Variants in KIF13A observed in about 807,000 individuals in gnomAD.
The protein encoded by KIF13A is kinesin-like protein KIF13A.
A neutral mutation model predicts 212.2 loss-of-function variants in KIF13A; 79 were observed. The ratio of observed to expected loss-of-function variants is 0.37; its 90% CI spans 0.31 to 0.45. The LOEUF (loss-of-function observed/expected upper bound fraction) is 0.45. KIF13A is among the 20% of genes least tolerant of loss of function. KIF13A has a pLI of 1.00. For missense variants in KIF13A, 1,901 were observed against 2,209.0 expected, an observed-to-expected ratio of 0.86 and a Z score of 2.79; for synonymous variants, 789 against 808.6, an observed-to-expected ratio of 0.98 and a Z score of 0.41.
rs1160930596 is a variant in KIF13A at position 17,968,599 on chromosome 6, T to C, written c.146+18455A>G. On this transcript the variant is annotated intron_variant, in intron 2 of 38. Coordinates refer to ENST00000259711, the MANE Select transcript of KIF13A (RefSeq NM_022113.6). The surrounding 1 kb of genome is among the most constrained non-coding windows in gnomAD (Gnocchi z 4.7). The stretch of plus-strand genomic sequence containing the variant: ...AGAATCTGCAGCTAATGCTGCTCCA[T>C]AGGTTGTGCAGTGAACATTAAAAAT... Among the ~76,000 whole-genome samples, 2 of 152,206 alleles carry C rather than the reference T, an allele frequency of 1.3e-5. No individual in the cohort carries two copies. The highest frequency in any genetic ancestry group is 6.5e-5 in the Admixed American group (1 of 15,280).
intron 16 of KIF13A, among the ~76,000 whole-genome samples, chr6:17,819,657 A>G (rs994939077): frequency 2.0e-5 from 3 of 152,142 alleles, no homozygotes; most frequent in African/African-American, 7.2e-5. Context: ...GGTGGGTAAA[A>G]TATTATCTAT....
chr6:17,819,248 T>C (rs978121128), intron 16 of KIF13A, among the ~76,000 whole-genome samples: 9 of 152,150 alleles, frequency 5.9e-5, no homozygotes, highest in African/African-American at 2.2e-4. Context: ...ACCTAAAATA[T>C]ATCACTTAAA....
intron 2 of KIF13A, among the ~76,000 whole-genome samples, chr6:17,909,569 A>G (rs1233580909): frequency 1.3e-5 from 2 of 151,762 alleles, no homozygotes; most frequent in East Asian, 1.9e-4. Context: ...AAGGTTTTAA[A>G]GAAAATATGT....
At position 17,771,450 on chromosome 6, in the gene KIF13A, G is replaced by T. The variant is rs960562169; in HGVS notation, c.4477-232C>A. On this transcript the variant is annotated intron_variant, in intron 37 of 38. Transcript: ENST00000259711. The surrounding 1 kb of genome is among the most constrained non-coding windows in gnomAD (Gnocchi z 5.4). ...TATTTAAAAAACAGCCTTTTGACCA[G>T]GTACAACGGCTCATGCCTGCAATCC... The T allele has an allele frequency of 2.0e-6, 1 of 506,340 alleles. No individual in the cohort carries two copies. The highest frequency in any genetic ancestry group is 3.5e-6 in the Non-Finnish European group (1 of 284,778). The allele number at this position is 506,340 out of a possible 1,614,324, so 31.4% of individuals were successfully genotyped here.
At chr6:17,974,823 C>CAT (rs1264910499) in intron 2 of KIF13A, among the ~76,000 whole-genome samples, 1 of 152,208 alleles carries the variant, frequency 6.6e-6, no homozygotes, top group Non-Finnish European at 1.5e-5. Context: ...GCACTGGCCA[C>CAT]ATATAGCTGT....
chr6:17,959,718 T>C (rs1778652373), intron 2 of KIF13A, among the ~76,000 whole-genome samples: 1 of 152,212 alleles, frequency 6.6e-6, no homozygotes, highest in Non-Finnish European at 1.5e-5. Flanking sequence ...TAGCTTTCCT[T>C]ATTCAATTAA....
At chr6:17,766,459 A>G (rs945668474) in intron 38 of KIF13A, among the ~76,000 whole-genome samples, 8 of 152,206 alleles carry the variant, frequency 5.3e-5, no homozygotes, top group African/African-American at 1.9e-4. Flanking sequence ...GCTTGTCTCA[A>G]ACTGCCGACC....
intron 2 of KIF13A, among the ~76,000 whole-genome samples, chr6:17,944,563 G>C (rs1164346248): frequency 6.6e-6 from 1 of 152,078 alleles, no homozygotes; most frequent in Non-Finnish European, 1.5e-5. Context: ...GGCCCCTCTT[G>C]TCCCACTCCT....
intron 2 of KIF13A, among the ~76,000 whole-genome samples, chr6:17,938,742 CTT>C (rs923009530): frequency 4.0e-5 from 6 of 151,542 alleles, no homozygotes; most frequent in Non-Finnish European, 5.9e-5. Flanking sequence ...CCTCCATTTT[CTT>C]CCTGTACATG....
intron 38 of KIF13A, among the ~76,000 whole-genome samples, chr6:17,766,219 G>GATTGATTTATTT (rs1554158989): frequency 3.2e-4 from 46 of 144,718 alleles, no homozygotes; most frequent in African/African-American, 6.4e-4. Context: ...TTATTTTTAA[G>GATTGATTTATTT]ATTTATTTAT....
chr6:17,762,227 T>TC (rs1758618249), downstream of KIF13A, among the ~76,000 whole-genome samples: 1 of 151,288 alleles, frequency 6.6e-6, no homozygotes, highest in African/African-American at 2.4e-5. Context: ...TTTTTTTTTT[T>TC]TTTGAGACGG....
intron 2 of KIF13A, among the ~76,000 whole-genome samples, chr6:17,927,626 T>A (rs1001404801): frequency 3.9e-5 from 6 of 152,226 alleles, no homozygotes; most frequent in Non-Finnish European, 8.8e-5. Flanking sequence ...ATGTATTTGA[T>A]ACCACTGAAT....
Position 17,781,623 on chromosome 6 carries a change from G to GTTTTT in KIF13A, c.3545-327_3545-323dup, listed in dbSNP as rs776138365. 5.2e-4 allele frequency among the ~76,000 whole-genome samples: 56 copies of GTTTTT among 107,062 alleles called. 1 individual carries two copies. Among genetic ancestry groups the GTTTTT allele is most frequent in the South Asian group, 1.3e-3 (4 of 3,018 alleles). 70.2% of individuals were successfully genotyped at this position (107,062 alleles called of 152,430 possible). On this transcript the variant is annotated intron_variant, in intron 29 of 38. Coordinates refer to ENST00000259711, the MANE Select transcript of KIF13A (RefSeq NM_022113.6). ...TACAGGGGTGAGCCACTGTACTTGG[G>GTTTTT]TTTTTTTTTTTTTTTTTTTTTTGAG...
chr6:17,873,283 G>A, intron 4 of KIF13A, 94 bp downstream of exon 4: 2 of 815,296 alleles, frequency 2.5e-6, no homozygotes, highest in South Asian at 3.4e-5. Context: ...GAATTACACA[G>A]GGAAAGTAAA....
In KIF13A at chr6:17,983,172, C is replaced by CAA. The variant is rs530156481; in HGVS notation, c.146+3880_146+3881dup. On this transcript the variant is annotated intron_variant, in intron 2 of 38. Coordinates refer to ENST00000259711, the MANE Select transcript of KIF13A (RefSeq NM_022113.6). ...CAGGTGACAGTGCGAGACTCCATCT[C>CAA]AAAAAAAAAAAAAAAAAGAAAGCTA... Among the ~76,000 whole-genome samples, 283 of 76,560 alleles carry CAA rather than the reference C, an allele frequency of 3.7e-3. 3 individuals are homozygous for CAA. The highest frequency in any genetic ancestry group is 7.6e-3 in the African/African-American group (181 of 23,772). The allele number at this position is 76,560 out of a possible 152,430, so 50.2% of individuals were successfully genotyped here. A position where few individuals can be genotyped will look rare whatever the true frequency, so the allele number is the denominator to read the frequency against.
At chr6:17,980,153 G>A (rs1014855512) in intron 2 of KIF13A, among the ~76,000 whole-genome samples, 5 of 152,122 alleles carry the variant, frequency 3.3e-5, no homozygotes, top group African/African-American at 1.2e-4. Context: ...AATAAACTAG[G>A]TCACGTCCAA....
rs67558921 is a variant in KIF13A, at chr6:17,874,283, G to GTTTTTTTTT, written c.160-847_160-846insAAAAAAAAA. ...AAAGCATGTTTTTGTTTTTGTTTTTGTTTTTTGGTGGTGGTGGGGGGGGTT... is the reference window on the plus strand; with the variant it reads ...AAAGCATGTTTTTGTTTTTGTTTTTGTTTTTTTTTTTTTTTGGTGGTGGTGGGGGGGGTT... On this transcript the variant is annotated intron_variant, in intron 3 of 38. Coordinates refer to ENST00000259711, the MANE Select transcript of KIF13A (RefSeq NM_022113.6). Among the ~76,000 whole-genome samples the GTTTTTTTTT allele has an allele frequency of 1.2e-3, 182 of 148,012 alleles. 1 individual carries two copies. Among genetic ancestry groups the GTTTTTTTTT allele is most frequent in the Non-Finnish European group, 1.6e-3 (105 of 66,528 alleles).
intron 25 of KIF13A, among the ~76,000 whole-genome samples, chr6:17,792,756 A>G (rs7751853): frequency 3.3e-5 from 5 of 152,216 alleles, no homozygotes; most frequent in African/African-American, 1.2e-4. Flanking sequence ...GGCAGGCAGC[A>G]TCTGACAAAG....
chr6:17,838,392 C>T lies in KIF13A; in HGVS notation c.831-809G>A, dbSNP rs944080374. 3.3e-5 allele frequency among the ~76,000 whole-genome samples: 5 copies of T among 151,826 alleles called. No homozygotes were observed. The highest frequency in any genetic ancestry group is 1.3e-4 in the Admixed American group (2 of 15,238). ...ACAAACTAGCAAGTGAAAGACTAGA[C>T]AGCTTTCTTTGTAATGTTAACAATA... On this transcript the variant is annotated intron_variant, in intron 9 of 38. Transcript: ENST00000259711. This position sits in a 1 kb window ranked among gnomAD's most constrained non-coding sequence, Gnocchi z 4.2.
Sources: allele counts gnomAD v4.1 joint callset (sites outside exome capture counted in the v4.1 genomes callset), GRCh38; gene constraint gnomAD v4.1.1; non-coding constraint Gnocchi (gnomAD v3.1); transcripts MANE v1.5; gene names NCBI Gene and HGNC (gene_info 2026-07-23, HGNC 2026-07-21).